SYS1: variants seen among roughly 807,000 people sequenced by gnomAD.
SYS1 encodes protein SYS1 homolog.
A neutral mutation model predicts 17.8 loss-of-function variants in SYS1; 8 were observed. The observed-to-expected ratio is 0.45, with a 90% CI of 0.26 to 0.81. The LOEUF is 0.81. SYS1 is among the 40% of genes least tolerant of loss of function. The pLI is 0.16. For missense variants in SYS1, 161 were observed against 203.9 expected (o/e 0.79, Z 1.28); for synonymous variants, 95 against 90.9 (o/e 1.05, Z -0.26).
In SYS1 at chr20:45,366,548, A is replaced by G. The variant is rs574155524; in HGVS notation, c.231-327A>G. Among the ~76,000 whole-genome samples, 46 of 152,320 alleles carry G rather than the reference A, an allele frequency of 3.0e-4. No individual in the cohort carries two copies. In the East Asian group the frequency reaches 7.5e-3, roughly 25 times the overall value. On this transcript the variant is annotated intron_variant, in intron 3 of 3. Transcript: ENST00000243918. ...GGAATGACTGACTGATTCCAGGCCA[A>G]CCTTCTAGCATGATAAGATTTGCCT...
chr20:45,371,068 G>T (rs1256922991), downstream of SYS1, among the ~76,000 whole-genome samples: 1 of 152,138 alleles, frequency 6.6e-6, no homozygotes, highest in Non-Finnish European at 1.5e-5. Context: ...TACTAGCTGT[G>T]AGATCTTGGG....
At chr20:45,362,301 C>A (rs1250707847), upstream of SYS1, among the ~76,000 whole-genome samples, 1 of 152,108 alleles carries the variant, frequency 6.6e-6, no homozygotes, top group Non-Finnish European at 1.5e-5. Context: ...TTCCTGCCAC[C>A]GAGTAGGTGC....
rs374066287 is a variant in SYS1 at position 45,367,016 on chromosome 20, C to G, written c.372C>G (p.Ala124=). The change falls in exon 4 of 4, where the codon GCC becomes GCG. Residue 124 remains alanine (A), a synonymous_variant. Transcript: ENST00000243918. Reference sequence around the variant, plus strand: ...CGCTGACCTGGTGGCTGGTCCAAGCCGTGTGCATTGCACTCATGGCTGTCA... The same window carrying G: ...CGCTGACCTGGTGGCTGGTCCAAGCGGTGTGCATTGCACTCATGGCTGTCA... ...PSALTWWLVQ[A]VCIALMAVIG... 4 of 1,614,200 alleles carry G rather than the reference C, an allele frequency of 2.5e-6. No homozygotes were observed. The East Asian group carries it at 8.9e-5, about 36-fold the overall frequency.
chr20:45,375,014 C>T, exon 4 of SYS1: 4 of 1,600,234 alleles, frequency 2.5e-6, no homozygotes, highest in Non-Finnish European at 2.6e-6. Flanking sequence ...CTCACCTAGC[C>T]TGGCAGTGTT....
chr20:45,373,875 C>T (rs1393228838), downstream of SYS1: 1 of 1,578,702 alleles, frequency 6.3e-7, no homozygotes. Context: ...GCAGAGTAAG[C>T]AGTATTCGTC....
At chr20:45,369,289 C>T (rs1042246598), downstream of SYS1, 5 of 152,074 alleles carry the variant, frequency 3.3e-5, no homozygotes, top group South Asian at 2.1e-4. Flanking sequence ...TAAGAAGTAA[C>T]GTCATCTGTA....
At chr20:45,365,176 T>G in intron 2 of SYS1, 1 of 284,346 alleles carries the variant, frequency 3.5e-6, no homozygotes, top group South Asian at 3.3e-5. Context: ...GTAGTAAGGA[T>G]TTTAGGTCAC....
In SYS1 at chr20:45,368,599, GA is replaced by G. The variant is rs1988491060; in HGVS notation, c.*1485del. 1.0e-6 allele frequency: 1 copy of G among 985,308 alleles called. No homozygotes were observed. Among genetic ancestry groups the G allele is most frequent in the Admixed American group, 6.1e-5 (1 of 16,264 alleles). The allele number at this position is 985,308 out of a possible 1,614,324, so 61.0% of individuals were successfully genotyped here. ...AGGGAGTTGATGCTGACAGGATGAA[GA>G]TTTAGGAATAAATATGCCTGGGAAG... On this transcript the variant is annotated 3_prime_UTR_variant, in exon 4 of 4. Transcript: ENST00000243918.
chr20:45,361,953 C>T, upstream of SYS1: 2 of 981,862 alleles, frequency 2.0e-6, no homozygotes, highest in South Asian at 9.4e-5. Context: ...CAACTTACTT[C>T]CCGTCTTTCC....
chr20:45,370,708 C>T (rs1988543354), downstream of SYS1, among the ~76,000 whole-genome samples: 1 of 152,150 alleles, frequency 6.6e-6, no homozygotes, highest in Non-Finnish European at 1.5e-5. Context: ...TAGCTTCCTT[C>T]TGCCAGCCCC....
intron 2 of SYS1, among the ~76,000 whole-genome samples, chr20:45,364,228 G>T (rs1175482996): frequency 6.6e-6 from 1 of 152,176 alleles, no homozygotes; most frequent in Admixed American, 6.5e-5. Flanking sequence ...GTTCAGAAAA[G>T]CAAGGGTTCA....
chr20:45,368,777 T>C lies in SYS1; in HGVS notation c.*1662T>C. 1.0e-6 allele frequency: 1 copy of C among 985,406 alleles called. No homozygotes were observed. The highest frequency in any genetic ancestry group is 1.2e-6 in the Non-Finnish European group (1 of 829,920). The allele number at this position is 985,406 out of a possible 1,614,324, so 61.0% of individuals were successfully genotyped here. On this transcript the variant is annotated 3_prime_UTR_variant, in exon 4 of 4. Coordinates refer to ENST00000243918, the MANE Select transcript of SYS1 (RefSeq NM_033542.4). ...GGATGACCTTCCCTGGGTTAATCAA[T>C]TTCCCTCTAGACAACACAAACTGCA... is the stretch of plus-strand genomic sequence containing the variant.
rs980149769 is a variant in SYS1 at position 45,365,470 on chromosome 20, C to A, written c.163-149C>A. The A allele has an allele frequency of 2.1e-5, 17 of 799,360 alleles. No homozygotes were observed. The African/African-American group carries it at 2.5e-4, about 12-fold the overall frequency. The allele number at this position is 799,360 out of a possible 1,614,324, so 49.5% of individuals were successfully genotyped here. ...CCCATAATGGATGTCTATGAAAGCACCTATTGGAAATAGGCTGCCGTACAG... is the reference window on the plus strand; with the variant it reads ...CCCATAATGGATGTCTATGAAAGCAACTATTGGAAATAGGCTGCCGTACAG... On this transcript the variant is annotated intron_variant, in intron 2 of 3. Transcript: ENST00000243918.
rs1988453944 is a variant in SYS1, at chr20:45,367,455, A to G, written c.*340A>G. The G allele has an allele frequency of 1.7e-5, 19 of 1,122,522 alleles. No homozygotes were observed. Among genetic ancestry groups the G allele is most frequent in the Non-Finnish European group, 2.1e-5 (19 of 913,294 alleles). The allele number at this position is 1,122,522 out of a possible 1,614,324, so 69.5% of individuals were successfully genotyped here. On this transcript the variant is annotated 3_prime_UTR_variant, in exon 4 of 4. Transcript: ENST00000243918. ...AGAGAAAAAAAATCAAGGATATCTG[A>G]TTGGAGCAAACCACTTCTTTAGTCA...
At chr20:45,372,885 T>C (rs1232143689), downstream of SYS1, 2 of 143,198 alleles carry the variant, frequency 1.4e-5, no homozygotes, top group Admixed American at 7.0e-5. Flanking sequence ...TGATGCCCAG[T>C]CTTGGTGCCC....
rs898595486 is a variant in SYS1, at chr20:45,375,191, C to T, written c.*897C>T. The stretch of plus-strand genomic sequence containing the variant: ...AGCCCCTCAAACCAGATCCACTGGT[C>T]GGCTACATCCAGCTGCTTCATGTGC... On this transcript the variant is annotated 3_prime_UTR_variant, in exon 4 of 4. Transcript: ENST00000426004. 8 of 1,614,166 alleles carry T rather than the reference C, an allele frequency of 5.0e-6. No homozygotes were observed. In the East Asian group the frequency reaches 8.9e-5, roughly 18 times the overall value.
intron 2 of SYS1, chr20:45,365,200 TGCCATTGTA>T: frequency 3.2e-6 from 1 of 308,340 alleles, no homozygotes; most frequent in Non-Finnish European, 6.4e-6. Context: ...TATTCAGCTC[TGCCATTGTA>T]GCACAGAAGG....
Position 45,363,328 on chromosome 20 carries a change from C to T in SYS1, c.-4+13C>T, listed in dbSNP as rs923568100. On this transcript the variant is annotated intron_variant, in intron 1 of 3. Coordinates refer to ENST00000243918, the MANE Select transcript of SYS1 (RefSeq NM_033542.4). ...GAGTCTGTCACTGGTGAGTAGACCCCAGAGGAGCTCGTGTACGGGCGGGGG... is the reference window on the plus strand; with the variant it reads ...GAGTCTGTCACTGGTGAGTAGACCCTAGAGGAGCTCGTGTACGGGCGGGGG... 11 of 1,417,378 alleles carry T rather than the reference C, an allele frequency of 7.8e-6. No individual in the cohort carries two copies. Among genetic ancestry groups the T allele is most frequent in the Middle Eastern group, 2.6e-4 (1 of 3,812 alleles). 87.8% of individuals were successfully genotyped at this position (1,417,378 alleles called of 1,614,324 possible). A position where few individuals can be genotyped will look rare whatever the true frequency, so the allele number is the denominator to read the frequency against.
At chr20:45,373,599 C>T (rs1261320297), downstream of SYS1, 15 of 405,940 alleles carry the variant, frequency 3.7e-5, no homozygotes, top group Non-Finnish European at 6.4e-5. Flanking sequence ...TTGCTGCCTC[C>T]GCGCCGCGGT....
Sources: gnomAD v4.1 joint callset for allele counts (sites outside exome capture counted in the v4.1 genomes callset) on GRCh38, gnomAD v4.1.1 for gene constraint, MANE v1.5 for transcripts, NCBI Gene and HGNC (gene_info 2026-07-23, HGNC 2026-07-21) for gene names.